Variants in CERKL observed in about 807,000 individuals in gnomAD.
The protein encoded by CERKL is ceramide kinase-like protein.
CERKL carries 61 observed loss-of-function variants against 63.4 expected under a neutral mutation model. The ratio of observed to expected loss-of-function variants is 0.96; its 90% CI spans 0.78 to 1.19. CERKL has a LOEUF of 1.19. Ranked by LOEUF, CERKL falls within the 50% of genes most tolerant of loss-of-function variation. The probability of loss-of-function intolerance (pLI) is 0.00; values close to 1 mark genes in which losing one functional copy is unlikely to be tolerated. For synonymous variants in CERKL, 250 were observed against 230.5 expected (o/e 1.08, Z -0.77); for missense variants, 675 against 655.5 (o/e 1.03, Z -0.33).
intron 3 of CERKL, among the ~76,000 whole-genome samples, chr2:181,570,893 A>T (rs1247054772): frequency 6.6e-6 from 1 of 151,950 alleles, no homozygotes; most frequent in Non-Finnish European, 1.5e-5. Context: ...TTCCATTTGG[A>T]CTCACCCATT....
chr2:181,584,872 G>C (rs933987650), intron 2 of CERKL, among the ~76,000 whole-genome samples: 2 of 151,186 alleles, frequency 1.3e-5, no homozygotes, highest in Non-Finnish European at 2.9e-5. Context: ...CTCATACAAA[G>C]CTTGTAAGGC....
chr2:181,598,498 C>T (rs571781615), intron 2 of CERKL, among the ~76,000 whole-genome samples: 2 of 152,262 alleles, frequency 1.3e-5, no homozygotes, highest in South Asian at 2.1e-4. Context: ...CACACACCAA[C>T]AGAATCTCTT....
intron 2 of CERKL, 155 bp downstream of exon 2, chr2:181,603,682 T>A: frequency 1.3e-6 from 1 of 790,570 alleles, no homozygotes; most frequent in Non-Finnish European, 2.2e-6. Context: ...AGAAAAAGTA[T>A]TTAGCAAATT....
chr2:181,542,015 A>G (rs1328757463), intron 11 of CERKL, among the ~76,000 whole-genome samples: 1 of 152,206 alleles, frequency 6.6e-6, no homozygotes, highest in East Asian at 1.9e-4. Context: ...AGACAGTTCA[A>G]AAGTGAGGGG....
chr2:181,601,573 TAAAC>T (rs1276743861), intron 2 of CERKL, among the ~76,000 whole-genome samples: 1 of 151,980 alleles, frequency 6.6e-6, no homozygotes, highest in African/African-American at 2.4e-5. Context: ...AAATAAAAAA[TAAAC>T]AAAATTTTTT....
rs1686697150 is a variant in CERKL, at chr2:181,626,226, T to A, written c.239-22147A>T. On this transcript the variant is annotated intron_variant, in intron 1 of 12. Transcript: ENST00000410087. ...CTCCCTTCCTGTTATTTTACTTTTT[T>A]TGATGGATCTCTGAATGTTCAAAAT... Among the ~76,000 whole-genome samples the A allele has an allele frequency of 2.6e-5, 4 of 152,156 alleles. No individual in the cohort carries two copies. In the South Asian group the frequency reaches 8.3e-4, roughly 32 times the overall value.
intron 1 of CERKL, among the ~76,000 whole-genome samples, chr2:181,610,900 G>A (rs1685939809): frequency 6.6e-6 from 1 of 152,092 alleles, no homozygotes; most frequent in African/African-American, 2.4e-5. Context: ...TTTACTCTAA[G>A]GGAATAAATA....
rs182276065 is a variant in CERKL, at chr2:181,545,067, G to A, written c.1269-271C>T. Among the ~76,000 whole-genome samples the A allele has an allele frequency of 2.1e-3, 326 of 152,124 alleles. 3 individuals are homozygous for A. Among genetic ancestry groups the A allele is most frequent in the Non-Finnish European group, 2.3e-3 (154 of 67,990 alleles). On this transcript the variant is annotated intron_variant, in intron 10 of 12. Coordinates refer to ENST00000410087, the MANE Select transcript of CERKL (RefSeq NM_201548.5). ...CATTTTACAAAGCAAACCATCAAGC[G>A]TCCTACTCACATATCAAGACATAAT...
chr2:181,589,309 C>T (rs1684891478), intron 2 of CERKL, among the ~76,000 whole-genome samples: 1 of 152,170 alleles, frequency 6.6e-6, no homozygotes, highest in Non-Finnish European at 1.5e-5. Flanking sequence ...AGTAAACTTG[C>T]TGAAATGAGT....
intron 1 of CERKL, among the ~76,000 whole-genome samples, chr2:181,612,118 G>A (rs999140484): frequency 6.6e-6 from 1 of 152,176 alleles, no homozygotes; most frequent in Non-Finnish European, 1.5e-5. Flanking sequence ...CGGAATGTAA[G>A]TAACTTGTCT....
At chr2:181,625,285 T>C (rs1686637092) in intron 1 of CERKL, among the ~76,000 whole-genome samples, 1 of 151,250 alleles carries the variant, frequency 6.6e-6, no homozygotes, top group African/African-American at 2.4e-5. Flanking sequence ...GGGTCAAGTC[T>C]GGCCACAGGA....
intron 2 of CERKL, among the ~76,000 whole-genome samples, chr2:181,590,049 T>G (rs905930587): frequency 5.3e-5 from 8 of 151,948 alleles, no homozygotes; most frequent in African/African-American, 1.9e-4. Flanking sequence ...GTCCAGTTCC[T>G]GGGCGCAAAT....
At chr2:181,627,159 A>AAT (rs1330860299) in intron 1 of CERKL, among the ~76,000 whole-genome samples, 1 of 152,200 alleles carries the variant, frequency 6.6e-6, no homozygotes, top group Admixed American at 6.6e-5. Flanking sequence ...AGGTTGATTA[A>AAT]ATATGGTTCT....
At chr2:181,589,765 A>C (rs970120254) in intron 2 of CERKL, among the ~76,000 whole-genome samples, 4 of 152,192 alleles carry the variant, frequency 2.6e-5, no homozygotes, top group Non-Finnish European at 4.4e-5. Context: ...GTCTTACTAC[A>C]ATGCAAAAGC....
chr2:181,640,360 C>T (rs1687365544), intron 1 of CERKL, among the ~76,000 whole-genome samples: 1 of 152,182 alleles, frequency 6.6e-6, no homozygotes, highest in Non-Finnish European at 1.5e-5. Flanking sequence ...AATCAAAACT[C>T]ACCTGCTCAG....
chr2:181,627,815 G>A (rs1686778538), intron 1 of CERKL, among the ~76,000 whole-genome samples: 1 of 152,250 alleles, frequency 6.6e-6, no homozygotes, highest in African/African-American at 2.4e-5. Context: ...ACTAGATGTT[G>A]CGATAGCACA....
In CERKL at chr2:181,537,908, C is replaced by A. The variant is rs72883650; in HGVS notation, c.*276G>T. 4.9e-3 allele frequency: 2,803 copies of A among 570,016 alleles called. 18 individuals carry two copies. Among genetic ancestry groups the A allele is most frequent in the Non-Finnish European group, 7.1e-3 (2,150 of 300,838 alleles). The allele number at this position is 570,016 out of a possible 1,614,324, so 35.3% of individuals were successfully genotyped here. On this transcript the variant is annotated 3_prime_UTR_variant, in exon 13 of 13. Transcript: ENST00000410087. Reference sequence around the variant, plus strand: ...ATGGAGCATTACTGAGTTCCTCCCCCTGTCAGATCAGCAGCAGCATTAGAT... The same window carrying A: ...ATGGAGCATTACTGAGTTCCTCCCCATGTCAGATCAGCAGCAGCATTAGAT...
At chr2:181,552,946 C>A (rs1559074125) in intron 5 of CERKL, among the ~76,000 whole-genome samples, 1 of 152,138 alleles carries the variant, frequency 6.6e-6, no homozygotes, top group Non-Finnish European at 1.5e-5. Flanking sequence ...TTTATTAGAT[C>A]CCCAGGTGGT....
At chr2:181,562,386 C>T (rs1337998004) in intron 4 of CERKL, among the ~76,000 whole-genome samples, 1 of 152,168 alleles carries the variant, frequency 6.6e-6, no homozygotes. Context: ...GGCACATGTT[C>T]TCAGGACCCC....
Sources: allele counts gnomAD v4.1 joint callset (sites outside exome capture counted in the v4.1 genomes callset), GRCh38; gene constraint gnomAD v4.1.1; transcripts MANE v1.5; gene names NCBI Gene and HGNC (gene_info 2026-07-23, HGNC 2026-07-21).